CENPN: variants seen among roughly 807,000 people sequenced by gnomAD.
CENPN encodes the protein centromere protein N.
A neutral mutation model predicts 48.6 loss-of-function variants in CENPN; 36 were observed. The observed-to-expected ratio is 0.74, with a 90% confidence interval of 0.57 to 0.98. The LOEUF (loss-of-function observed/expected upper bound fraction) is 0.98. CENPN is among the 50% of genes least tolerant of loss of function. CENPN has a pLI of 0.00. For synonymous variants in CENPN, 166 were observed against 135.2 expected (o/e 1.23, Z -1.58); for missense variants, 439 against 399.2 (o/e 1.10, Z -0.85).
rs376156510 is a variant in CENPN at position 81,014,081 on chromosome 16, G to C, written c.172-55G>C. The C allele has an allele frequency of 9.0e-6, 13 of 1,440,704 alleles. No individual in the cohort carries two copies. In the African/African-American group the frequency reaches 1.8e-4, roughly 20 times the overall value. The allele number at this position is 1,440,704 out of a possible 1,614,324, so 89.2% of individuals were successfully genotyped here. Reference sequence around the variant, plus strand: ...ACCAATCCTAAAATGTGTTTTAAACGGGATAGAACCAAACCTATAACCACA... The same window carrying C: ...ACCAATCCTAAAATGTGTTTTAAACCGGATAGAACCAAACCTATAACCACA... On this transcript the variant is annotated intron_variant, in intron 2 of 10. Coordinates refer to ENST00000305850, the MANE Select transcript of CENPN (RefSeq NM_001100624.3).
intron 1 of CENPN, among the ~76,000 whole-genome samples, chr16:81,010,712 C>T (rs1259885738): frequency 6.6e-6 from 1 of 152,224 alleles, no homozygotes; most frequent in Non-Finnish European, 1.5e-5. Flanking sequence ...TTTCTCCTGC[C>T]TCTCTCGCAG....
In CENPN at chr16:81,029,241, C is replaced by T. The variant is rs548305052; in HGVS notation, c.*590C>T. 12 of 920,248 alleles carry T rather than the reference C, an allele frequency of 1.3e-5. No homozygotes were observed. In the African/African-American group the frequency reaches 2.0e-4, roughly 15 times the overall value. 57.0% of individuals were successfully genotyped at this position (920,248 alleles called of 1,614,324 possible). A position where few individuals can be genotyped will look rare whatever the true frequency, so the allele number is the denominator to read the frequency against. ...TTGTAAATATGATACTTCTCATAAT[C>T]TATTTTATCATGTGTATAACATTCA... On this transcript the variant is annotated 3_prime_UTR_variant, in exon 11 of 11. Transcript: ENST00000305850.
chr16:81,032,207 CATT>C (rs1329050489), downstream of CENPN, among the ~76,000 whole-genome samples: 1 of 152,116 alleles, frequency 6.6e-6, no homozygotes. Context: ...CTTCAAATCT[CATT>C]ATCTATCAAA....
In CENPN at chr16:81,024,805, AT is replaced by A. The variant is rs774194357; in HGVS notation, c.697+31del. On this transcript the variant is annotated intron_variant, in intron 8 of 10. Transcript: ENST00000305850. ...TACGTGTGTGTTAATATGAAACTGA[AT>A]TTTGGAAATGCATCATTCCCTTATA... 2.8e-6 allele frequency: 4 copies of A among 1,430,364 alleles called. No homozygotes were observed. The South Asian group carries it at 4.8e-5, about 17-fold the overall frequency. 88.6% of individuals were successfully genotyped at this position (1,430,364 alleles called of 1,614,324 possible). A position where few individuals can be genotyped will look rare whatever the true frequency, so the allele number is the denominator to read the frequency against.
chr16:81,012,125 AATG>A lies in CENPN; in HGVS notation c.171+20_171+22del, dbSNP rs768411348. The A allele has an allele frequency of 6.2e-7, 1 of 1,612,512 alleles. No homozygotes were observed. On this transcript the variant is annotated intron_variant, in intron 2 of 10. Coordinates refer to ENST00000305850, the MANE Select transcript of CENPN (RefSeq NM_001100624.3). Reference sequence around the variant, plus strand: ...ATCTGTGTGAGGTAACAGTGTTAAAAATGATGAGCCTTGAACAGAGTGCTACCC... The same window carrying A: ...ATCTGTGTGAGGTAACAGTGTTAAAAATGAGCCTTGAACAGAGTGCTACCC...
chr16:81,016,105 T>C (rs976346789), intron 3 of CENPN, among the ~76,000 whole-genome samples: 3 of 152,066 alleles, frequency 2.0e-5, no homozygotes, highest in African/African-American at 7.2e-5. Flanking sequence ...TGAAGGGATA[T>C]GGTTGAACTT....
intron 3 of CENPN, among the ~76,000 whole-genome samples, chr16:81,015,731 C>T (rs571968159): frequency 2.0e-5 from 3 of 152,250 alleles, no homozygotes; most frequent in African/African-American, 4.8e-5. Flanking sequence ...CCTGGCTGGA[C>T]GCAGTGGCTC....
chr16:81,014,239 GTTTC>G, intron 3 of CENPN, 58 bp downstream of exon 3: 1 of 1,482,098 alleles, frequency 6.7e-7, no homozygotes, highest in Non-Finnish European at 9.4e-7. Flanking sequence ...AGGCAATTTT[GTTTC>G]TTTCTTTGTG....
chr16:81,016,845 C>A (rs1031518104), intron 3 of CENPN: 4 of 163,694 alleles, frequency 2.4e-5, no homozygotes, highest in South Asian at 1.7e-4. Context: ...CCGACAGGAA[C>A]TGGGAACTAA....
intron 4 of CENPN, 117 bp from the exon 5 acceptor site, chr16:81,017,641 G>A (rs1024574481): frequency 1.3e-6 from 1 of 779,288 alleles, no homozygotes; most frequent in Non-Finnish European, 2.1e-6. Context: ...TGTGTGATTT[G>A]ATCATTATTA....
At chr16:81,024,569 C>CTCAGCCAAT (rs1157136274) in intron 7 of CENPN, 146 bp from the exon 8 acceptor site, 12 of 536,228 alleles carry the variant, frequency 2.2e-5, no homozygotes, top group Non-Finnish European at 3.3e-5. Context: ...TCCTGCTCAA[C>CTCAGCCAAT]TCAGCCAACT....
At chr16:81,025,118 C>T (rs1970405309) in intron 8 of CENPN, among the ~76,000 whole-genome samples, 1 of 147,100 alleles carries the variant, frequency 6.8e-6, no homozygotes, top group African/African-American at 2.5e-5. Flanking sequence ...CGCCATTCAT[C>T]AGGAAACTGG....
At chr16:81,027,622 GT>G (rs746147926) in intron 9 of CENPN, among the ~76,000 whole-genome samples, 5 of 152,220 alleles carry the variant, frequency 3.3e-5, no homozygotes, top group Non-Finnish European at 7.3e-5. Flanking sequence ...GGAACTGACA[GT>G]CAGTATCTCC....
At chr16:81,015,075 G>C (rs182591458) in intron 3 of CENPN, among the ~76,000 whole-genome samples, 62 of 152,312 alleles carry the variant, frequency 4.1e-4, no homozygotes, top group African/African-American at 1.3e-3. Context: ...GATTTATCAG[G>C]CATAGCCCCA....
intron 8 of CENPN, 41 bp from the exon 9 acceptor site, chr16:81,026,485 T>C (rs1342598158): frequency 1.0e-6 from 1 of 952,444 alleles, no homozygotes; most frequent in Non-Finnish European, 1.6e-6. Flanking sequence ...GGATGAAATA[T>C]ATTCCTAACG....
intron 1 of CENPN, among the ~76,000 whole-genome samples, chr16:81,009,667 C>A (rs139149024): frequency 0.017 from 2,665 of 152,316 alleles, 50 homozygotes; most frequent in Non-Finnish European, 0.021. Context: ...AAAATACAGT[C>A]AACTATTTCT....
In CENPN at chr16:81,012,050, G is replaced by A. The variant is rs1969763741; in HGVS notation, c.111G>A (p.Gln37=). 2 of 1,613,982 alleles carry A rather than the reference G, an allele frequency of 1.2e-6. No homozygotes were observed. Among genetic ancestry groups the A allele is most frequent in the African/African-American group, 2.7e-5 (2 of 74,910 alleles). ...AWDFLSENQL[Q]TVNFRQRKES... ...ATTTTTTGTCTGAAAATCAACTGCA[G>A]ACTGTAAATTTCCGACAGAGAAAGG... Residue 37 remains glutamine (Q), a synonymous_variant, in exon 2 of 11, where the codon CAG becomes CAA. Coordinates refer to ENST00000305850, the MANE Select transcript of CENPN (RefSeq NM_001100624.3).
rs1970644099 is a variant in CENPN, at chr16:81,028,970, T to C, written c.*319T>C. 4.9e-6 allele frequency: 5 copies of C among 1,017,962 alleles called. No individual in the cohort carries two copies. The South Asian group carries it at 2.2e-4, about 45-fold the overall frequency. The allele number at this position is 1,017,962 out of a possible 1,614,324, so 63.1% of individuals were successfully genotyped here. A position where few individuals can be genotyped will look rare whatever the true frequency, so the allele number is the denominator to read the frequency against. On this transcript the variant is annotated 3_prime_UTR_variant, in exon 11 of 11. Transcript: ENST00000305850. ...GGCACAGCGCTCAAGACTTTTGGGT[T>C]TGTGTCCTTTTTTCTATGGCTGTCT...
At chr16:81,028,472 C>T (rs1970613231) in intron 10 of CENPN, 97 bp from the exon 11 acceptor site, 9 of 1,540,250 alleles carry the variant, frequency 5.8e-6, no homozygotes, top group Non-Finnish European at 7.0e-6. Context: ...ATCTATGATC[C>T]ACCCTCTAAT....
Sources: gnomAD v4.1 joint callset for allele counts (sites outside exome capture counted in the v4.1 genomes callset) on GRCh38, gnomAD v4.1.1 for gene constraint, MANE v1.5 for transcripts, NCBI Gene and HGNC (gene_info 2026-07-23, HGNC 2026-07-21) for gene names.